The following DNAH14 variants were observed in gnomAD, a reference collection of about 807,000 sequenced individuals.
The protein encoded by DNAH14 is dynein axonemal heavy chain 14, also known as axonemal beta dynein heavy chain 14.
In DNAH14, 478 loss-of-function variants were observed where a neutral mutation model predicts 520.9. That is an observed-to-expected ratio of 0.92 (90% confidence interval 0.85 to 0.99). The LOEUF is 0.99. DNAH14 is among the 50% of genes least tolerant of loss of function. DNAH14 has a pLI of 0.00. For synonymous variants in DNAH14, 1,581 were observed against 1,757.2 expected (o/e 0.90, Z 2.51); for missense variants, 4,831 against 5,234.5 (o/e 0.92, Z 2.38).
At chr1:224,967,204 C>CT (rs1268321756) in intron 5 of DNAH14, among the ~76,000 whole-genome samples, 3 of 151,672 alleles carry the variant, frequency 2.0e-5, no homozygotes, top group African/African-American at 7.3e-5. Context: ...ATTAAAGATC[C>CT]TTTTTTAAGG....
chr1:225,335,694 CATAT>C, intron 66 of DNAH14, among the ~76,000 whole-genome samples: 1 of 82,956 alleles, frequency 1.2e-5, no homozygotes, highest in Non-Finnish European at 2.4e-5. Flanking sequence ...CGCATATATA[CATAT>C]GTGCATATAT....
chr1:225,194,915 CTCA>C (rs899506232), intron 38 of DNAH14, among the ~76,000 whole-genome samples: 1 of 152,104 alleles, frequency 6.6e-6, no homozygotes, highest in African/African-American at 2.4e-5. Context: ...TGAAAAAATA[CTCA>C]TCATCACTAA....
chr1:225,140,321 G>A (rs544403355), intron 27 of DNAH14, among the ~76,000 whole-genome samples: 6 of 152,208 alleles, frequency 3.9e-5, no homozygotes, highest in South Asian at 2.1e-4. Context: ...AAACATCTCC[G>A]TTATGTATGA....
chr1:225,250,082 G>A (rs1397373099), intron 43 of DNAH14, among the ~76,000 whole-genome samples: 1 of 152,138 alleles, frequency 6.6e-6, no homozygotes, highest in Non-Finnish European at 1.5e-5. Context: ...TTTCTCTTGG[G>A]TAGATGCCTA....
intron 17 of DNAH14, among the ~76,000 whole-genome samples, chr1:225,058,770 G>A (rs1052797177): frequency 6.6e-6 from 1 of 152,104 alleles, no homozygotes; most frequent in Non-Finnish European, 1.5e-5. Context: ...CTTTATTTCT[G>A]CCTTCATTTC....
chr1:225,301,055 T>C, intron 56 of DNAH14, 25 bp downstream of exon 56: 2 of 1,537,840 alleles, frequency 1.3e-6, no homozygotes, highest in Non-Finnish European at 1.8e-6. Flanking sequence ...CTTGGCTTTA[T>C]CAAATTGTCA....
intron 35 of DNAH14, among the ~76,000 whole-genome samples, chr1:225,166,623 A>G (rs547679738): frequency 1.3e-5 from 2 of 152,306 alleles, no homozygotes; most frequent in African/African-American, 2.4e-5. Flanking sequence ...TGTGCTATTT[A>G]TACTATTTGC....
At chr1:224,946,002 A>G (rs933610375) in intron 1 of DNAH14, among the ~76,000 whole-genome samples, 3 of 152,108 alleles carry the variant, frequency 2.0e-5, no homozygotes, top group East Asian at 1.9e-4. Flanking sequence ...GAGAACCACT[A>G]CTCTCTTCAA....
intron 65 of DNAH14, among the ~76,000 whole-genome samples, chr1:225,332,830 CA>C (rs36110645): frequency 0.064 from 5,811 of 90,826 alleles, 111 homozygotes; most frequent in South Asian, 0.086. Flanking sequence ...CCTGTCTCTA[CA>C]AAAAAAAAAA....
chr1:225,321,994 A>C (rs561365490), intron 61 of DNAH14, among the ~76,000 whole-genome samples: 2 of 152,080 alleles, frequency 1.3e-5, no homozygotes, highest in East Asian at 3.9e-4. Context: ...TCTGTGAAGC[A>C]GTCATCAGTA....
chr1:225,259,639 G>A (rs1005958541), intron 46 of DNAH14, among the ~76,000 whole-genome samples: 15 of 152,140 alleles, frequency 9.9e-5, no homozygotes, highest in African/African-American at 3.6e-4. Flanking sequence ...TCACCATGCT[G>A]TGCAATAGAT....
chr1:225,096,323 G>A (rs1201491607), intron 21 of DNAH14, among the ~76,000 whole-genome samples: 1 of 152,054 alleles, frequency 6.6e-6, no homozygotes, highest in East Asian at 1.9e-4. Flanking sequence ...TTGTGTATCA[G>A]TGATACCTTA....
chr1:225,242,800 A>G (rs2092044960), intron 43 of DNAH14, among the ~76,000 whole-genome samples: 1 of 152,254 alleles, frequency 6.6e-6, no homozygotes, highest in South Asian at 2.1e-4. Context: ...TGTTTACACC[A>G]GCATCACCAC....
chr1:225,124,218 G>A (rs530455269), intron 27 of DNAH14, among the ~76,000 whole-genome samples: 4 of 152,276 alleles, frequency 2.6e-5, no homozygotes, highest in South Asian at 2.1e-4. Context: ...GTTGCTGACC[G>A]ATCAGGGTGG....
At chr1:225,247,405 G>A (rs72470463) in intron 43 of DNAH14, among the ~76,000 whole-genome samples, 7,459 of 152,020 alleles carry the variant, frequency 0.049, 289 homozygotes, top group Non-Finnish European at 0.073. Context: ...AAAAAAATAA[G>A]TAAATAAAAA....
intron 35 of DNAH14, among the ~76,000 whole-genome samples, chr1:225,164,711 C>T (rs941850820): frequency 6.6e-6 from 1 of 151,922 alleles, no homozygotes; most frequent in Non-Finnish European, 1.5e-5. Flanking sequence ...CATTATTTGC[C>T]CCTAGGATCA....
intron 63 of DNAH14, 43 bp from the exon 64 acceptor site, chr1:225,324,694 C>T (rs1449709469): frequency 2.0e-6 from 3 of 1,479,658 alleles, no homozygotes; most frequent in Admixed American, 4.3e-5. Context: ...TAACAGTAAA[C>T]CCGACGTTTT....
intron 55 of DNAH14, among the ~76,000 whole-genome samples, chr1:225,291,246 C>A (rs2093881672): frequency 6.6e-6 from 1 of 151,980 alleles, no homozygotes; most frequent in Non-Finnish European, 1.5e-5. Context: ...ACCATATTTT[C>A]TTTAGTCATT....
intron 84 of DNAH14, 132 bp from the exon 85 acceptor site, chr1:225,398,388 C>T: frequency 1.8e-6 from 2 of 1,122,538 alleles, no homozygotes. Context: ...TAAGTATTCA[C>T]CTTAGAACTT....
Sources: allele counts gnomAD v4.1 joint callset (sites outside exome capture counted in the v4.1 genomes callset), GRCh38; gene constraint gnomAD v4.1.1; transcripts MANE v1.5; gene names NCBI Gene and HGNC (gene_info 2026-07-23, HGNC 2026-07-21).